The following SLX4 variants were observed in gnomAD, a reference collection of about 807,000 sequenced individuals.
The protein encoded by SLX4 is SLX4 structure-specific endonuclease subunit, also known as structure-specific endonuclease subunit SLX4.
SLX4 carries 112 observed loss-of-function variants against 146.2 expected under a neutral mutation model. The ratio of observed to expected loss-of-function variants is 0.77; its 90% CI spans 0.66 to 0.90. SLX4 has a LOEUF of 0.90. Ranked by LOEUF, SLX4 falls within the 40% of genes least tolerant of loss-of-function variation. SLX4 has a pLI of 0.00. For missense variants in SLX4, 2,563 were observed against 2,392.7 expected, an observed-to-expected ratio of 1.07 and a Z score of -1.49; for synonymous variants, 1,061 against 997.7, an observed-to-expected ratio of 1.06 and a Z score of -1.20.
In SLX4 at chr16:3,583,349, T is replaced by C. The variant is rs1466730528; in HGVS notation, c.4901A>G (p.Tyr1634Cys). ...PHCQTLASQTYKPSRAGVHAQ... is the reference protein window; with the variant it reads ...PHCQTLASQTCKPSRAGVHAQ... ...ATGGACCCCTGCCCTTGAAGGCTTG[T>C]AGGTCTGGGAGGCGAGGGTCTGGCA... is the stretch of plus-strand genomic sequence containing the variant. The change falls in exon 14 of 15, where the codon TAC becomes TGC. Residue 1634 changes from tyrosine to cysteine, a missense_variant. By Grantham distance (194) the Tyr-to-Cys change is radical. Transcript: ENST00000294008. 6.2e-7 allele frequency: 1 copy of C among 1,613,632 alleles called. No homozygotes were observed. The highest frequency in any genetic ancestry group is 8.5e-7 in the Non-Finnish European group (1 of 1,179,678).
intron 11 of SLX4, among the ~76,000 whole-genome samples, chr16:3,592,084 C>T (rs1369728946): frequency 6.6e-6 from 1 of 152,272 alleles, no homozygotes; most frequent in Non-Finnish European, 1.5e-5. Context: ...GGCAAGCCAG[C>T]CAGCCACCTG....
chr16:3,607,472 A>G (rs1324600783), intron 2 of SLX4, among the ~76,000 whole-genome samples: 2 of 152,192 alleles, frequency 1.3e-5, no homozygotes, highest in African/African-American at 4.8e-5. Context: ...AATGTGTAGT[A>G]AGCATATAGC....
intron 1 of SLX4, among the ~76,000 whole-genome samples, chr16:3,610,643 G>A (rs1221997988): frequency 6.6e-6 from 1 of 152,174 alleles, no homozygotes; most frequent in East Asian, 1.9e-4. Context: ...AGTGTGGTTC[G>A]AAACTATCCG....
chr16:3,581,974 C>T lies in SLX4; in HGVS notation c.*368G>A, dbSNP rs183576223. On this transcript the variant is annotated 3_prime_UTR_variant, in exon 15 of 15. Transcript: ENST00000294008. ...AGGAGAATTGCTTGAACCCGGGAGG[C>T]GGAGGTTGCAGTGAGCCGAGATTGT... 4 of 284,892 alleles carry T rather than the reference C, an allele frequency of 1.4e-5. No homozygotes were observed. The highest frequency in any genetic ancestry group is 4.8e-5 in the Admixed American group (1 of 20,964). 17.6% of individuals were successfully genotyped at this position (284,892 alleles called of 1,614,324 possible). A position where few individuals can be genotyped will look rare whatever the true frequency, so the allele number is the denominator to read the frequency against.
chr16:3,595,739 C>T (rs1249828742), intron 8 of SLX4, 46 bp from the exon 9 acceptor site: 2 of 1,601,378 alleles, frequency 1.2e-6, no homozygotes, highest in Non-Finnish European at 1.7e-6. Context: ...AGCCCAGCCA[C>T]ATCCACCACC....
rs2151130071 is a variant in SLX4, at chr16:3,596,279, G to A, written c.1798C>T (p.Pro600Ser). The A allele has an allele frequency of 6.4e-7, 1 of 1,567,570 alleles. No individual in the cohort carries two copies. The highest frequency in any genetic ancestry group is 8.6e-7 in the Non-Finnish European group (1 of 1,157,236). Residue 600 changes from proline to serine, a missense_variant, in exon 8 of 15, where the codon CCG becomes TCG. Coordinates refer to ENST00000294008, the MANE Select transcript of SLX4 (RefSeq NM_032444.4). ...TCCCTCTGGCTGGCCGAAGGCGACG[G>A]GCCCCTGGAGCCACAGCCTGCAGTG... is the stretch of plus-strand genomic sequence containing the variant. ...TPTAGCGSRGPSPSASQREHQ... is the reference protein window; with the variant it reads ...TPTAGCGSRGSSPSASQREHQ...
At position 3,591,117 on chromosome 16, in the gene SLX4, C is replaced by G; in HGVS notation, c.2521G>C (p.Glu841Gln). The change falls in exon 12 of 15, where the codon GAA (glutamate) becomes CAA (glutamine). Residue 841 changes from glutamate (E) to glutamine (Q), a missense_variant. Glu to Gln is a conservative substitution (Grantham distance 29). Coordinates refer to ENST00000294008, the MANE Select transcript of SLX4 (RefSeq NM_032444.4). Reference sequence around the variant, plus strand: ...GCTTCATTCACGTTTTCTTGATCTTCTTCGTGGTCCTTGGATTTCAACAAA... The same window carrying G: ...GCTTCATTCACGTTTTCTTGATCTTGTTCGTGGTCCTTGGATTTCAACAAA... ...ETLLKSKDHE[E>Q]DQENVNEAEM... 1 of 1,614,230 alleles carries G rather than the reference C, an allele frequency of 6.2e-7. No homozygotes were observed. Among genetic ancestry groups the G allele is most frequent in the Non-Finnish European group, 8.5e-7 (1 of 1,180,036 alleles).
Position 3,608,629 on chromosome 16 carries a change from C to A in SLX4, c.336G>T (p.Pro112=). ...TLQGPAEKKP[P]SGSQAPRTKK... is the part of the protein sequence containing the mutation. ...TAGTCCTAGGGGCCTGGCTGCCAGA[C>A]GGAGGTTTCTTCTCTGCAGGGCCTT... Residue 112 remains proline, a synonymous_variant, in exon 2 of 15, where the codon CCG becomes CCT. Coordinates refer to ENST00000294008, the MANE Select transcript of SLX4 (RefSeq NM_032444.4). 6.2e-7 allele frequency: 1 copy of A among 1,614,138 alleles called. No homozygotes were observed. Among genetic ancestry groups the A allele is most frequent in the Non-Finnish European group, 8.5e-7 (1 of 1,180,026 alleles).
In SLX4 at chr16:3,582,643, T is replaced by G; in HGVS notation, c.5204A>C (p.Glu1735Ala). 5 of 1,613,324 alleles carry G rather than the reference T, an allele frequency of 3.1e-6. No homozygotes were observed. Among genetic ancestry groups the G allele is most frequent in the Non-Finnish European group, 3.4e-6 (4 of 1,179,986 alleles). Residue 1735 changes from glutamate (E) to alanine (A), a missense_variant, in exon 15 of 15, where the codon GAG (glutamate) becomes GCG (alanine). Coordinates refer to ENST00000294008, the MANE Select transcript of SLX4 (RefSeq NM_032444.4). Reference protein sequence around the residue: ...GAAFESAGEEEGEGEVSASQA... With the variant: ...GAAFESAGEEAGEGEVSASQA... ...CGAGGCACTGACCTCCCCCTCGCCCTCCTCTTCACCTGCAGACTCAAATGC... is the reference window on the plus strand; with the variant it reads ...CGAGGCACTGACCTCCCCCTCGCCCGCCTCTTCACCTGCAGACTCAAATGC...
At chr16:3,585,311 G>A (rs946491428) in intron 12 of SLX4, among the ~76,000 whole-genome samples, 2 of 152,188 alleles carry the variant, frequency 1.3e-5, no homozygotes, top group South Asian at 4.1e-4. Flanking sequence ...AAGGGGCCGG[G>A]CGCGGTGGCT....
intron 2 of SLX4, among the ~76,000 whole-genome samples, chr16:3,607,126 T>G (rs1269528886): frequency 6.6e-6 from 1 of 152,212 alleles, no homozygotes; most frequent in East Asian, 1.9e-4. Context: ...CAGTTCTTCT[T>G]TAACTTGGGA....
In SLX4 at chr16:3,609,041, A is replaced by G. The variant is rs1398683558; in HGVS notation, c.-77T>C. 6.7e-7 allele frequency: 1 copy of G among 1,499,934 alleles called. No homozygotes were observed. Among genetic ancestry groups the G allele is most frequent in the East Asian group, 2.4e-5 (1 of 42,312 alleles). The allele number at this position is 1,499,934 out of a possible 1,614,324, so 92.9% of individuals were successfully genotyped here. A position where few individuals can be genotyped will look rare whatever the true frequency, so the allele number is the denominator to read the frequency against. On this transcript the variant is annotated 5_prime_UTR_variant, in exon 2 of 15. Coordinates refer to ENST00000294008, the MANE Select transcript of SLX4 (RefSeq NM_032444.4). ...AACAAAAAGTACTGTTTTCCTCTCTATAATGATTGAAGTATCTTTGTTCAA... is the reference window on the plus strand; with the variant it reads ...AACAAAAAGTACTGTTTTCCTCTCTGTAATGATTGAAGTATCTTTGTTCAA...
Position 3,584,428 on chromosome 16 carries a change from A to G in SLX4, c.4739+341T>C, listed in dbSNP as rs147977174. The stretch of plus-strand genomic sequence containing the variant: ...AGAGCAAGACTCTGTCTTTCAAAAA[A>G]AAAATCAGACCTCCTCACTCAGACT... On this transcript the variant is annotated intron_variant, in intron 13 of 14. Coordinates refer to ENST00000294008, the MANE Select transcript of SLX4 (RefSeq NM_032444.4). Among the ~76,000 whole-genome samples, 31 of 152,272 alleles carry G rather than the reference A, an allele frequency of 2.0e-4. No individual in the cohort carries two copies. The East Asian group carries it at 2.5e-3, about 12-fold the overall frequency.
Position 3,583,516 on chromosome 16 carries a change from G to A in SLX4, c.4740-6C>T, listed in dbSNP as rs377066518. 2.3e-5 allele frequency: 37 copies of A among 1,613,878 alleles called. No individual in the cohort carries two copies. The highest frequency in any genetic ancestry group is 8.3e-5 in the Admixed American group (5 of 60,024). On this transcript the variant is annotated splice_polypyrimidine_tract_variant and splice_region_variant and intron_variant, in intron 13 of 14. Transcript: ENST00000294008. ...GCAGAGGGCGGACTCCAAACCTGAC[G>A]GAGGAACAGGTGGATCTCAGGACCC... is the stretch of plus-strand genomic sequence containing the variant.
rs1372037506 is a variant in SLX4 at position 3,590,974 on chromosome 16, C to T, written c.2664G>A (p.Gly888=). 6.2e-7 allele frequency: 1 copy of T among 1,614,212 alleles called. No individual in the cohort carries two copies. The highest frequency in any genetic ancestry group is 1.7e-5 in the Admixed American group (1 of 60,022). ...DWLEGGSPVS[G]QLLAGVQVQK... is the part of the protein sequence containing the mutation. ...GCACCTGGACACCTGCTAGGAGTTG[C>T]CCAGAAACCGGACTGCCACCCTCCA... The change falls in exon 12 of 15, where the codon GGG becomes GGA. Residue 888 remains glycine, a synonymous_variant. Transcript: ENST00000294008. This position sits in a 1 kb window ranked among gnomAD's most constrained non-coding sequence, Gnocchi z 4.8.
intron 12 of SLX4, among the ~76,000 whole-genome samples, chr16:3,585,800 C>CA (rs1226056168): frequency 0.11 from 6,933 of 60,646 alleles, 260 homozygotes; most frequent in East Asian, 0.18. Flanking sequence ...CCTATCTCTA[C>CA]AAAAAAAAAA....
intron 11 of SLX4, among the ~76,000 whole-genome samples, chr16:3,591,974 G>A (rs558052685): frequency 6.6e-6 from 1 of 152,334 alleles, no homozygotes; most frequent in East Asian, 1.9e-4. Flanking sequence ...GGGCAACACA[G>A]CGACACTCCG....
At chr16:3,583,569 T>A in intron 13 of SLX4, 59 bp from the exon 14 acceptor site, 1 of 1,588,428 alleles carries the variant, frequency 6.3e-7, no homozygotes, top group South Asian at 1.1e-5. Flanking sequence ...ACACTCCACG[T>A]TCCCTATCTT....
At position 3,605,685 on chromosome 16, in the gene SLX4, C is replaced by T. The variant is rs559762451; in HGVS notation, c.760+789G>A. 1.8e-4 allele frequency among the ~76,000 whole-genome samples: 27 copies of T among 152,132 alleles called. No individual in the cohort carries two copies. In the South Asian group the frequency reaches 1.9e-3, roughly 11 times the overall value. On this transcript the variant is annotated intron_variant, in intron 3 of 14. Coordinates refer to ENST00000294008, the MANE Select transcript of SLX4 (RefSeq NM_032444.4). ...AAAGGAGGCCAGGCACAGTGGCTCA[C>T]GCCTGTAATCCCAGCACTTTGGGAG...
Sources: gnomAD v4.1 joint callset for allele counts (sites outside exome capture counted in the v4.1 genomes callset) on GRCh38, gnomAD v4.1.1 for gene constraint, Gnocchi (gnomAD v3.1) non-coding constraint, MANE v1.5 for transcripts, NCBI Gene and HGNC (gene_info 2026-07-23, HGNC 2026-07-21) for gene names.